The following TRPM6 variants were observed in gnomAD, a reference collection of about 807,000 sequenced individuals.
TRPM6 encodes the protein channel kinase 2.
TRPM6 carries 111 observed loss-of-function variants against 247.6 expected under a neutral mutation model. The observed-to-expected ratio is 0.45, with a 90% CI of 0.38 to 0.52. The LOEUF (loss-of-function observed/expected upper bound fraction) is 0.52, where lower values mean the gene tolerates loss of function less well. TRPM6 is among the 20% of genes least tolerant of loss of function. The pLI is 0.00. For missense variants in TRPM6, 2,126 were observed against 2,421.5 expected (o/e 0.88, Z 2.56); for synonymous variants, 892 against 853.8 (o/e 1.04, Z -0.78).
chr9:74,796,360 C>G (rs952865975), intron 18 of TRPM6, among the ~76,000 whole-genome samples: 1 of 152,144 alleles, frequency 6.6e-6, no homozygotes, highest in African/African-American at 2.4e-5. Flanking sequence ...TCCACAGAAC[C>G]TCTAGCACAT....
At chr9:74,860,354 A>AT (rs977481118) in intron 1 of TRPM6, among the ~76,000 whole-genome samples, 1 of 151,482 alleles carries the variant, frequency 6.6e-6, no homozygotes, top group Non-Finnish European at 1.5e-5. Context: ...TTATTTTTTT[A>AT]TTTTTTTTGA....
chr9:74,856,783 T>G (rs1041139010), intron 2 of TRPM6, among the ~76,000 whole-genome samples: 5 of 152,140 alleles, frequency 3.3e-5, no homozygotes, highest in Non-Finnish European at 5.9e-5. Context: ...CCACTTCCTG[T>G]GCACCAATAA....
intron 19 of TRPM6, among the ~76,000 whole-genome samples, chr9:74,792,023 C>G (rs1402550189): frequency 1.3e-5 from 2 of 152,200 alleles, no homozygotes; most frequent in Non-Finnish European, 2.9e-5. Context: ...TCCCAAAGTG[C>G]TGGAATTACA....
In TRPM6 at chr9:74,778,264, A is replaced by G. The variant is rs139930776; in HGVS notation, c.3210-2188T>C. On this transcript the variant is annotated intron_variant, in intron 23 of 38. Transcript: ENST00000360774. The stretch of plus-strand genomic sequence containing the variant: ...AGTGACAGAGCTGGGAGTCACTCTG[A>G]GCTGCAGCCCCCACAGGATCCCCCT... 9.5e-3 allele frequency among the ~76,000 whole-genome samples: 1,440 copies of G among 152,318 alleles called. 16 individuals are homozygous for G. The highest frequency in any genetic ancestry group is 0.033 in the African/African-American group (1,373 of 41,580).
intron 14 of TRPM6, among the ~76,000 whole-genome samples, chr9:74,805,681 C>T (rs552579438): frequency 4.6e-4 from 70 of 152,144 alleles, no homozygotes; most frequent in African/African-American, 1.7e-3. Flanking sequence ...GTGACTGTGG[C>T]AGGGATGCCC....
chr9:74,874,241 C>CA (rs55659846), intron 1 of TRPM6, among the ~76,000 whole-genome samples: 1,664 of 137,312 alleles, frequency 0.012, 23 homozygotes, highest in African/African-American at 0.04. Flanking sequence ...GTCTTAAAAA[C>CA]AAAAAAAAAA....
At chr9:74,743,834 G>A (rs1199715596) in intron 32 of TRPM6, among the ~76,000 whole-genome samples, 1 of 152,112 alleles carries the variant, frequency 6.6e-6, no homozygotes, top group Non-Finnish European at 1.5e-5. Flanking sequence ...TAGATTTCAA[G>A]GTCATCTTTC....
intron 21 of TRPM6, among the ~76,000 whole-genome samples, chr9:74,784,532 A>C (rs1373602285): frequency 6.6e-6 from 1 of 152,216 alleles, no homozygotes. Context: ...GCACGATTTA[A>C]GAGTGTGATG....
chr9:74,756,502 G>A (rs977762996), intron 27 of TRPM6, among the ~76,000 whole-genome samples: 2 of 151,988 alleles, frequency 1.3e-5, no homozygotes, highest in Non-Finnish European at 2.9e-5. Flanking sequence ...TTGTAGGAAA[G>A]AGCTAAAACA....
chr9:74,837,694 C>T (rs921244483), intron 5 of TRPM6, among the ~76,000 whole-genome samples: 1 of 151,878 alleles, frequency 6.6e-6, no homozygotes, highest in Admixed American at 6.5e-5. Context: ...GATCCACCCA[C>T]CTTGGGCTCC....
chr9:74,849,109 G>A (rs1830201933), intron 3 of TRPM6, among the ~76,000 whole-genome samples: 1 of 152,144 alleles, frequency 6.6e-6, no homozygotes, highest in South Asian at 2.1e-4. Flanking sequence ...CAGCACTTCG[G>A]GAGGCCGAGG....
chr9:74,752,839 G>A (rs1032407891), intron 28 of TRPM6, among the ~76,000 whole-genome samples: 16 of 152,220 alleles, frequency 1.1e-4, no homozygotes, highest in African/African-American at 3.1e-4. Context: ...GAGGCCAGGC[G>A]CCGTGGCTCA....
intron 24 of TRPM6, among the ~76,000 whole-genome samples, chr9:74,772,973 A>C (rs1827101631): frequency 2.0e-5 from 3 of 152,004 alleles, no homozygotes; most frequent in African/African-American, 4.8e-5. Flanking sequence ...AACAAACAAA[A>C]AAAATTAGCT....
chr9:74,746,609 G>T (rs969447926), intron 31 of TRPM6, among the ~76,000 whole-genome samples: 1 of 152,128 alleles, frequency 6.6e-6, no homozygotes, highest in Non-Finnish European at 1.5e-5. Context: ...TCTACCTTTG[G>T]GTAACAGGGA....
At chr9:74,881,216 CTGAAAGTAAAGGAATGGA>C (rs1409935991) in intron 1 of TRPM6, among the ~76,000 whole-genome samples, 1 of 151,596 alleles carries the variant, frequency 6.6e-6, no homozygotes, top group Non-Finnish European at 1.5e-5. Flanking sequence ...CAGATATAGA[CTGAAAGTAAAGGAATGGA>C]AAAAGATATT....
intron 33 of TRPM6, among the ~76,000 whole-genome samples, chr9:74,741,306 T>C (rs1825855550): frequency 5.3e-5 from 8 of 151,936 alleles, no homozygotes; most frequent in Admixed American, 4.6e-4. Flanking sequence ...ATTTCCCCCT[T>C]ACACCTTTGC....
At chr9:74,759,303 C>T (rs1826543274) in intron 27 of TRPM6, among the ~76,000 whole-genome samples, 1 of 45,040 alleles carries the variant, frequency 2.2e-5, no homozygotes, top group Non-Finnish European at 4.1e-5. Flanking sequence ...AATAGCCAAA[C>T]TTTTGAAAAA....
intron 36 of TRPM6, chr9:74,737,382 T>A: frequency 7.8e-7 from 1 of 1,289,806 alleles, no homozygotes. Context: ...GCCCCAGGAC[T>A]GTCTGCTTAT....
chr9:74,880,800 A>G (rs747278730), intron 1 of TRPM6, among the ~76,000 whole-genome samples: 20 of 152,320 alleles, frequency 1.3e-4, no homozygotes, highest in Non-Finnish European at 2.4e-4. Flanking sequence ...AAAGTGCTTA[A>G]ATGTTACCAC....
Sources: gnomAD v4.1 joint callset for allele counts (sites outside exome capture counted in the v4.1 genomes callset) on GRCh38, gnomAD v4.1.1 for gene constraint, MANE v1.5 for transcripts, NCBI Gene and HGNC (gene_info 2026-07-23, HGNC 2026-07-21) for gene names.